CABLES1: variants seen among roughly 807,000 people sequenced by gnomAD.
CABLES1 encodes the protein Cdk5 and Abl enzyme substrate 1.
In CABLES1, 36 loss-of-function variants were observed where a neutral mutation model predicts 57.8. The ratio of observed to expected loss-of-function variants is 0.62; its 90% CI spans 0.48 to 0.82. CABLES1 has a LOEUF of 0.82. Among genes scored for constraint, CABLES1 ranks in the 40% least tolerant of loss-of-function variants. CABLES1 has a pLI of 0.00. For synonymous variants in CABLES1, 374 were observed against 363.0 expected (o/e 1.03, Z -0.35); for missense variants, 767 against 836.6 (o/e 0.92, Z 1.03).
intron 1 of CABLES1, among the ~76,000 whole-genome samples, chr18:23,177,937 G>A (rs2047136699): frequency 6.6e-6 from 1 of 152,202 alleles, no homozygotes; most frequent in South Asian, 2.1e-4. Flanking sequence ...AGAACGCCTG[G>A]ATTTGATTCC....
intron 1 of CABLES1, among the ~76,000 whole-genome samples, chr18:23,161,398 T>C (rs2047002876): frequency 6.6e-6 from 1 of 151,440 alleles, no homozygotes; most frequent in Non-Finnish European, 1.5e-5. Flanking sequence ...TAAAAAGTAG[T>C]GAATCAAGTC....
intron 1 of CABLES1, among the ~76,000 whole-genome samples, chr18:23,140,984 A>G (rs1390414528): frequency 6.6e-6 from 1 of 152,196 alleles, no homozygotes. Context: ...CGAGGTCTGA[A>G]TGTGGGCTTG....
chr18:23,172,316 A>G (rs1373761198), intron 1 of CABLES1, among the ~76,000 whole-genome samples: 7 of 152,124 alleles, frequency 4.6e-5, no homozygotes, highest in Non-Finnish European at 5.9e-5. Flanking sequence ...CATCCTTTGC[A>G]TTCTCACAGT....
At chr18:23,196,588 AG>A (rs1280973104) in intron 3 of CABLES1, among the ~76,000 whole-genome samples, 2 of 152,212 alleles carry the variant, frequency 1.3e-5, no homozygotes, top group Non-Finnish European at 2.9e-5. Flanking sequence ...TCTGCCCCAC[AG>A]CATTTGGGCA....
intron 1 of CABLES1, among the ~76,000 whole-genome samples, chr18:23,185,494 T>C (rs904709928): frequency 6.9e-6 from 1 of 144,830 alleles, no homozygotes; most frequent in African/African-American, 2.7e-5. Context: ...CATTGTTGAG[T>C]GGGTGGGGGT....
intron 1 of CABLES1, among the ~76,000 whole-genome samples, chr18:23,165,420 C>T (rs2047035541): frequency 6.6e-6 from 1 of 152,094 alleles, no homozygotes; most frequent in Non-Finnish European, 1.5e-5. Flanking sequence ...TTTAAGTGTA[C>T]AGTTCATAGT....
chr18:23,251,041 T>G (rs1347816321), intron 7 of CABLES1, among the ~76,000 whole-genome samples: 1 of 152,240 alleles, frequency 6.6e-6, no homozygotes, highest in Non-Finnish European at 1.5e-5. Context: ...AGCCACCAAC[T>G]TCCATTAGAG....
chr18:23,246,550 C>T (rs1297001420), intron 7 of CABLES1, among the ~76,000 whole-genome samples: 1 of 151,926 alleles, frequency 6.6e-6, no homozygotes, highest in Non-Finnish European at 1.5e-5. Flanking sequence ...CGCCACCACA[C>T]CCGGCTAATT....
At chr18:23,189,114 G>A (rs2047223551) in intron 2 of CABLES1, 6 of 520,266 alleles carry the variant, frequency 1.2e-5, no homozygotes, top group Admixed American at 3.6e-5. Context: ...AGGTGTTGGA[G>A]TAGCCCAATT....
intron 1 of CABLES1, among the ~76,000 whole-genome samples, chr18:23,179,485 G>A (rs779817559): frequency 2.6e-5 from 4 of 152,208 alleles, no homozygotes; most frequent in Non-Finnish European, 5.9e-5. Context: ...GGCTCGGGGA[G>A]GAGGTTTTCC....
At chr18:23,240,754 A>C (rs567389843) in intron 7 of CABLES1, among the ~76,000 whole-genome samples, 20 of 152,332 alleles carry the variant, frequency 1.3e-4, no homozygotes, top group African/African-American at 4.3e-4. Flanking sequence ...CCAGCCCAGC[A>C]GAGGCGCCCA....
intron 5 of CABLES1, among the ~76,000 whole-genome samples, chr18:23,235,303 T>C: frequency 6.6e-6 from 1 of 152,192 alleles, no homozygotes; most frequent in Non-Finnish European, 1.5e-5. Context: ...CCCGGGGTAG[T>C]TTGTTTGCCG....
At chr18:23,172,276 T>C (rs2047088286) in intron 1 of CABLES1, among the ~76,000 whole-genome samples, 1 of 152,198 alleles carries the variant, frequency 6.6e-6, no homozygotes, top group Admixed American at 6.5e-5. Context: ...CCCTCCCTGT[T>C]CCTGTCGTTA....
chr18:23,247,917 C>G (rs978709510), intron 7 of CABLES1, among the ~76,000 whole-genome samples: 10 of 152,218 alleles, frequency 6.6e-5, no homozygotes, highest in African/African-American at 1.2e-4. Flanking sequence ...CCAAGGGTCT[C>G]GCAGCATCTG....
intron 3 of CABLES1, 32 bp downstream of exon 3, chr18:23,194,572 A>G (rs367959210): frequency 7.0e-7 from 1 of 1,436,692 alleles, no homozygotes; most frequent in Non-Finnish European, 9.8e-7. Flanking sequence ...GGCTGCCAGC[A>G]CCAGTGGGTG....
chr18:23,167,971 C>T (rs556956972), intron 1 of CABLES1, among the ~76,000 whole-genome samples: 4 of 152,348 alleles, frequency 2.6e-5, no homozygotes, highest in South Asian at 2.1e-4. Flanking sequence ...GCTGAGCTGA[C>T]GGCTCTCAAG....
At chr18:23,184,973 G>T (rs1327092287) in intron 1 of CABLES1, among the ~76,000 whole-genome samples, 1 of 152,116 alleles carries the variant, frequency 6.6e-6, no homozygotes, top group Non-Finnish European at 1.5e-5. Flanking sequence ...CACAGTGGGG[G>T]TTATGATTTC....
intron 1 of CABLES1, among the ~76,000 whole-genome samples, chr18:23,144,675 G>A (rs2046880238): frequency 6.6e-6 from 1 of 152,224 alleles, no homozygotes; most frequent in African/African-American, 2.4e-5. Context: ...CTGGAATCTA[G>A]AGCTAGAATT....
At chr18:23,169,879 T>C (rs1425426157) in intron 1 of CABLES1, among the ~76,000 whole-genome samples, 2 of 152,040 alleles carry the variant, frequency 1.3e-5, no homozygotes, top group African/African-American at 2.4e-5. Context: ...TTTGAAAACC[T>C]CGTGTTTCCC....
Sources: gnomAD v4.1 joint callset for allele counts (sites outside exome capture counted in the v4.1 genomes callset) on GRCh38, gnomAD v4.1.1 for gene constraint, MANE v1.5 for transcripts, NCBI Gene and HGNC (gene_info 2026-07-23, HGNC 2026-07-21) for gene names.